FBXO10: variants seen among roughly 807,000 people sequenced by gnomAD.
FBXO10 encodes F-box protein 10.
In FBXO10, 39 loss-of-function variants were observed where a neutral mutation model predicts 80.7. That is an observed-to-expected ratio of 0.48 (90% CI 0.37 to 0.63). The LOEUF is 0.63. Ranked by LOEUF, FBXO10 falls within the 30% of genes least tolerant of loss-of-function variation. The probability of loss-of-function intolerance (pLI) is 0.00; values close to 1 mark genes in which losing one functional copy is unlikely to be tolerated. For synonymous variants in FBXO10, 449 were observed against 489.6 expected (o/e 0.92, Z 1.09); for missense variants, 1,025 against 1,269.0 (o/e 0.81, Z 2.92).
chr9:37,554,793 A>C (rs1249766874), intron 1 of FBXO10, among the ~76,000 whole-genome samples: 1 of 152,120 alleles, frequency 6.6e-6, no homozygotes, highest in Admixed American at 6.5e-5. Context: ...GTAGTATTTC[A>C]TTGTATTAAG....
intron 1 of FBXO10, among the ~76,000 whole-genome samples, chr9:37,544,268 C>G (rs992343196): frequency 6.6e-6 from 1 of 152,014 alleles, no homozygotes; most frequent in East Asian, 1.9e-4. Context: ...GACTCTGTCT[C>G]AAAACAAAAC....
intron 1 of FBXO10, among the ~76,000 whole-genome samples, chr9:37,568,351 C>A (rs1405884567): frequency 1.2e-4 from 18 of 151,970 alleles, no homozygotes; most frequent in African/African-American, 4.1e-4. Flanking sequence ...CCGCCTGCCA[C>A]CACGCCTGAC....
At chr9:37,555,247 G>A (rs1046713207) in intron 1 of FBXO10, among the ~76,000 whole-genome samples, 1 of 151,822 alleles carries the variant, frequency 6.6e-6, no homozygotes, top group African/African-American at 2.4e-5. Context: ...TATCATTCTG[G>A]TGGGTATGTA....
intron 1 of FBXO10, among the ~76,000 whole-genome samples, chr9:37,555,322 A>G (rs1373680065): frequency 6.6e-6 from 1 of 151,866 alleles, no homozygotes; most frequent in East Asian, 1.9e-4. Context: ...GATTTTTTGC[A>G]TGTGATCATT....
intron 1 of FBXO10, among the ~76,000 whole-genome samples, chr9:37,562,896 A>G (rs2119181959): frequency 6.6e-6 from 1 of 152,336 alleles, no homozygotes; most frequent in Non-Finnish European, 1.5e-5. Flanking sequence ...ACCAAAAAAC[A>G]CCCAAAAGAC....
chr9:37,569,785 T>C (rs1297945649), intron 1 of FBXO10, among the ~76,000 whole-genome samples: 2 of 152,166 alleles, frequency 1.3e-5, no homozygotes, highest in Admixed American at 1.3e-4. Flanking sequence ...CAGTTAGCTA[T>C]GATCACACCA....
intron 1 of FBXO10, among the ~76,000 whole-genome samples, chr9:37,565,396 A>T (rs1277583573): frequency 6.6e-6 from 1 of 152,242 alleles, no homozygotes; most frequent in Non-Finnish European, 1.5e-5. Flanking sequence ...CAACAAAAAC[A>T]GCAGCAGGTA....
chr9:37,514,170 G>C (rs1313640431), intron 10 of FBXO10, among the ~76,000 whole-genome samples: 2 of 152,220 alleles, frequency 1.3e-5, no homozygotes, highest in African/African-American at 4.8e-5. Flanking sequence ...TCAGAGGTTG[G>C]CTACTAGCAT....
chr9:37,534,023 A>G (rs1384378797), intron 3 of FBXO10, among the ~76,000 whole-genome samples: 22 of 152,178 alleles, frequency 1.4e-4, no homozygotes, highest in Admixed American at 1.3e-3. Context: ...TGCAAATACT[A>G]TAACATTTTA....
intron 5 of FBXO10, among the ~76,000 whole-genome samples, chr9:37,527,505 G>T (rs1481952564): frequency 6.6e-6 from 1 of 152,138 alleles, no homozygotes; most frequent in African/African-American, 2.4e-5. Context: ...GGCCCAGAAT[G>T]CCTTTTCCCT....
chr9:37,530,394 G>C (rs1821590452), intron 4 of FBXO10, among the ~76,000 whole-genome samples: 1 of 152,192 alleles, frequency 6.6e-6, no homozygotes, highest in Non-Finnish European at 1.5e-5. Flanking sequence ...GTATGCAGCA[G>C]CATTTCCATC....
In FBXO10 at chr9:37,575,958, G is replaced by A. The variant is rs72739690; in HGVS notation, c.-7+253C>T. On this transcript the variant is annotated intron_variant, in intron 1 of 10. Coordinates refer to ENST00000432825, the MANE Select transcript of FBXO10 (RefSeq NM_012166.3). ...ATGCTCCGCGTCCGGTAGTTTTACG[G>A]GAGGGTAAACCAAGGCATAGCTCTC... 6.8e-3 allele frequency among the ~76,000 whole-genome samples: 1,034 copies of A among 152,340 alleles called. 7 individuals carry two copies. The highest frequency in any genetic ancestry group is 0.011 in the Non-Finnish European group (738 of 68,032).
intron 5 of FBXO10, among the ~76,000 whole-genome samples, chr9:37,526,455 T>A: frequency 6.6e-6 from 1 of 152,206 alleles, no homozygotes. Flanking sequence ...GATCTAATTA[T>A]GATATTCCTC....
intron 1 of FBXO10, among the ~76,000 whole-genome samples, chr9:37,551,369 T>C (rs1315476377): frequency 1.3e-5 from 2 of 152,236 alleles, no homozygotes; most frequent in African/African-American, 2.4e-5. Flanking sequence ...GGGGCAGCCC[T>C]GCTTCCAAGA....
intron 1 of FBXO10, among the ~76,000 whole-genome samples, chr9:37,569,457 A>G (rs377534915): frequency 6.7e-6 from 1 of 150,326 alleles, no homozygotes; most frequent in African/African-American, 2.4e-5. Flanking sequence ...TTGGATATTT[A>G]AACACATCCC....
At chr9:37,532,333 C>G (rs1821650150) in intron 3 of FBXO10, among the ~76,000 whole-genome samples, 1 of 138,536 alleles carries the variant, frequency 7.2e-6, no homozygotes, top group Non-Finnish European at 1.5e-5. Flanking sequence ...CAGGGTCTTG[C>G]TCTGTTGCCC....
chr9:37,570,976 G>C (rs1308193788), intron 1 of FBXO10, among the ~76,000 whole-genome samples: 1 of 146,976 alleles, frequency 6.8e-6, no homozygotes. Context: ...CCTGGCGACA[G>C]GGCAAGACTC....
intron 4 of FBXO10, among the ~76,000 whole-genome samples, chr9:37,529,667 C>T (rs1472335285): frequency 6.6e-6 from 1 of 152,156 alleles, no homozygotes; most frequent in Non-Finnish European, 1.5e-5. Flanking sequence ...AAATGTTGGC[C>T]AACTGCAGTC....
Position 37,537,655 on chromosome 9 carries a change from A to G in FBXO10, c.874T>C (p.Leu292=). 6.2e-7 allele frequency: 1 copy of G among 1,614,010 alleles called. No homozygotes were observed. Among genetic ancestry groups the G allele is most frequent in the Non-Finnish European group, 8.5e-7 (1 of 1,179,892 alleles). The change falls in exon 3 of 11, where the codon TTA becomes CTA. Residue 292 remains leucine, a synonymous_variant. Transcript: ENST00000432825. ...TFLPTEDSDF[L]MSLDLESRDQ... ...CGGCTCTCTAGGTCCAGGGACATTAAAAAGTCAGAGTCCTCTGTGGGGAGA... is the reference window on the plus strand; with the variant it reads ...CGGCTCTCTAGGTCCAGGGACATTAGAAAGTCAGAGTCCTCTGTGGGGAGA...
Sources: gnomAD v4.1 joint callset for allele counts (sites outside exome capture counted in the v4.1 genomes callset) on GRCh38, gnomAD v4.1.1 for gene constraint, MANE v1.5 for transcripts, NCBI Gene and HGNC (gene_info 2026-07-23, HGNC 2026-07-21) for gene names.